The following ROBO2 variants were observed in gnomAD, a reference collection of about 807,000 sequenced individuals.
The protein encoded by ROBO2 is roundabout homolog 2.
Under a neutral mutation model 160.8 loss-of-function variants are expected in ROBO2, and 53 were observed. The ratio of observed to expected loss-of-function variants is 0.33; its 90% CI spans 0.26 to 0.41. The LOEUF (loss-of-function observed/expected upper bound fraction) is 0.41. Among genes scored for constraint, ROBO2 ranks in the 10% least tolerant of loss-of-function variants. ROBO2 has a pLI of 1.00. For synonymous variants in ROBO2, 664 were observed against 611.7 expected, an observed-to-expected ratio of 1.09 and a Z score of -1.26; for missense variants, 1,577 against 1,722.4, an observed-to-expected ratio of 0.92 and a Z score of 1.49.
At chr3:77,059,678 T>A (rs2066098083) in intron 1 of ROBO2, among the ~76,000 whole-genome samples, 1 of 152,144 alleles carries the variant, frequency 6.6e-6, no homozygotes, top group African/African-American at 2.4e-5. Flanking sequence ...ACAATTTTTT[T>A]TAATTGTCTC....
intron 2 of ROBO2, among the ~76,000 whole-genome samples, chr3:76,745,799 TTTTATTTA>T (rs199745180): frequency 0.086 from 12,332 of 143,146 alleles, 648 homozygotes; most frequent in East Asian, 0.21. Flanking sequence ...AAAAATTTAT[TTTTATTTA>T]TTTATTTATT....
intron 2 of ROBO2, among the ~76,000 whole-genome samples, chr3:77,456,990 C>T (rs2081719540): frequency 6.6e-6 from 1 of 152,162 alleles, no homozygotes; most frequent in South Asian, 2.1e-4. Context: ...TTATTTGTTG[C>T]TTTTCAGATA....
At chr3:77,189,694 T>C (rs1288617417) in intron 2 of ROBO2, among the ~76,000 whole-genome samples, 2 of 151,964 alleles carry the variant, frequency 1.3e-5, no homozygotes, top group Non-Finnish European at 2.9e-5. Flanking sequence ...TATGTAACAA[T>C]TTAATAAAAA....
At chr3:76,376,325 T>G (rs1342649757) in intron 2 of ROBO2, among the ~76,000 whole-genome samples, 1 of 152,086 alleles carries the variant, frequency 6.6e-6, no homozygotes, top group Non-Finnish European at 1.5e-5. Flanking sequence ...TGGCCAAGCA[T>G]CTTCACACAA....
intron 19 of ROBO2, among the ~76,000 whole-genome samples, chr3:77,598,512 C>CATCTATATATATGTGTATATATATAT (rs2094359342): frequency 8.8e-6 from 1 of 113,042 alleles, no homozygotes; most frequent in Non-Finnish European, 1.8e-5. Context: ...TACGCACACA[C>CATCTATATATATGTGTATATATATAT]ATATATATAT....
chr3:76,769,870 C>T (rs1242787902), intron 2 of ROBO2, among the ~76,000 whole-genome samples: 1 of 151,408 alleles, frequency 6.6e-6, no homozygotes, highest in African/African-American at 2.4e-5. Flanking sequence ...TTGCTCATCT[C>T]TTCCATGGTT....
chr3:76,191,765 T>C (rs1340497064), intron 2 of ROBO2, among the ~76,000 whole-genome samples: 2 of 152,132 alleles, frequency 1.3e-5, no homozygotes, highest in Non-Finnish European at 2.9e-5. Flanking sequence ...TTCCCTTTGT[T>C]CCAAATACTT....
intron 2 of ROBO2, among the ~76,000 whole-genome samples, chr3:76,682,837 G>A (rs972202812): frequency 2.0e-5 from 3 of 152,152 alleles, no homozygotes; most frequent in African/African-American, 4.8e-5. Context: ...CATTATTCAC[G>A]TGTTAGGTTG....
At chr3:76,052,404 G>A (rs1250766009) in intron 2 of ROBO2, among the ~76,000 whole-genome samples, 1 of 151,938 alleles carries the variant, frequency 6.6e-6, no homozygotes, top group East Asian at 1.9e-4. Flanking sequence ...TTAATTTCTG[G>A]CAAAGAAATG....
At chr3:77,598,312 T>C (rs1195417066) in intron 19 of ROBO2, among the ~76,000 whole-genome samples, 2 of 151,754 alleles carry the variant, frequency 1.3e-5, no homozygotes, top group Non-Finnish European at 2.9e-5. Flanking sequence ...TACTGATTAT[T>C]GCATAAGTCT....
At position 76,057,417 on chromosome 3, in the gene ROBO2, G is replaced by A. The variant is rs79139076; in HGVS notation, c.109+119815G>A. ...TCGGAAGGTTAGAAATACTTTAAAG[G>A]AGACAAGCATTCTCCTTAAAATGCT... On this transcript the variant is annotated intron_variant, in intron 2 of 26. Transcript: ENST00000487694. Among the ~76,000 whole-genome samples, 1,060 of 152,196 alleles carry A rather than the reference G, an allele frequency of 7.0e-3. 64 individuals are homozygous for A. The East Asian group carries it at 0.15, about 22-fold the overall frequency.
At chr3:77,231,363 CA>C (rs60535204) in intron 2 of ROBO2, among the ~76,000 whole-genome samples, 1,931 of 59,614 alleles carry the variant, frequency 0.032, 7 homozygotes, top group African/African-American at 0.073. Flanking sequence ...AGACTCCATC[CA>C]AAAAAAAAAA....
intron 2 of ROBO2, among the ~76,000 whole-genome samples, chr3:77,320,789 A>T (rs1025631606): frequency 2.6e-5 from 4 of 152,138 alleles, no homozygotes; most frequent in South Asian, 4.1e-4. Flanking sequence ...CAAGCGATTT[A>T]AAAAAATATA....
chr3:76,059,217 A>T (rs1576675204), intron 2 of ROBO2, among the ~76,000 whole-genome samples: 1 of 151,622 alleles, frequency 6.6e-6, no homozygotes, highest in South Asian at 2.1e-4. Flanking sequence ...TCCCTGAGGA[A>T]TCGCCACACT....
chr3:77,568,883 T>G (rs772237427), intron 13 of ROBO2, among the ~76,000 whole-genome samples: 1 of 152,044 alleles, frequency 6.6e-6, no homozygotes, highest in Non-Finnish European at 1.5e-5. Flanking sequence ...ATTCTGGACC[T>G]TTTATATGAG....
intron 2 of ROBO2, among the ~76,000 whole-genome samples, chr3:76,589,525 G>C (rs762245965): frequency 1.3e-5 from 2 of 152,086 alleles, no homozygotes; most frequent in Non-Finnish European, 2.9e-5. Context: ...ATACTTCGGA[G>C]CATTGTGTTG....
intron 2 of ROBO2, among the ~76,000 whole-genome samples, chr3:76,449,482 T>C (rs534502255): frequency 6.6e-6 from 1 of 152,208 alleles, no homozygotes; most frequent in South Asian, 2.1e-4. Flanking sequence ...GGGGTAGGGG[T>C]AGGTCTCTAA....
At chr3:76,798,147 A>G (rs1362619829) in intron 2 of ROBO2, among the ~76,000 whole-genome samples, 1 of 143,616 alleles carries the variant, frequency 7.0e-6, no homozygotes. Flanking sequence ...AAAGAGAAAG[A>G]AAGAAAGAAA....
chr3:76,396,794 C>G (rs961756369), intron 2 of ROBO2, among the ~76,000 whole-genome samples: 3 of 152,070 alleles, frequency 2.0e-5, no homozygotes, highest in Non-Finnish European at 4.4e-5. Flanking sequence ...TCAAGGAGAA[C>G]TACAAACCAC....
Sources: allele counts gnomAD v4.1 joint callset (sites outside exome capture counted in the v4.1 genomes callset), GRCh38; gene constraint gnomAD v4.1.1; transcripts MANE v1.5; gene names NCBI Gene and HGNC (gene_info 2026-07-23, HGNC 2026-07-21).